SYNE2: variants seen among roughly 807,000 people sequenced by gnomAD.
SYNE2 encodes the protein nesprin-2.
In SYNE2, 431 loss-of-function variants were observed where a neutral mutation model predicts 856.3. The ratio of observed to expected loss-of-function variants is 0.50; its 90% CI spans 0.47 to 0.55. The LOEUF (loss-of-function observed/expected upper bound fraction) is 0.55, where lower values mean the gene tolerates loss of function less well. Among genes scored for constraint, SYNE2 ranks in the 20% least tolerant of loss-of-function variants. The pLI is 0.00. For synonymous variants in SYNE2, 2,923 were observed against 2,872.3 expected, an observed-to-expected ratio of 1.02 and a Z score of -0.56; for missense variants, 8,129 against 8,023.2, an observed-to-expected ratio of 1.01 and a Z score of -0.50.
chr14:63,909,075 A>C (rs1424833747), intron 1 of SYNE2, 23 bp from the exon 2 acceptor site: 2 of 1,080,866 alleles, frequency 1.9e-6, no homozygotes, highest in African/African-American at 3.1e-5. Context: ...TTACTAATGA[A>C]CATTTATCCA....
chr14:64,189,047 C>T, intron 98 of SYNE2: 3 of 698,692 alleles, frequency 4.3e-6, no homozygotes, highest in East Asian at 2.7e-5. Flanking sequence ...TAAGAAGCTC[C>T]CCTTGGCCTG....
At chr14:63,793,967 T>C (rs1027748214) in intron 1 of SYNE2, among the ~76,000 whole-genome samples, 1 of 151,858 alleles carries the variant, frequency 6.6e-6, no homozygotes, top group Admixed American at 6.6e-5. Context: ...AGAAAGTTGT[T>C]GTAAACTGTT....
intron 57 of SYNE2, among the ~76,000 whole-genome samples, chr14:64,082,367 ATACT>A (rs1025643449): frequency 1.3e-4 from 19 of 150,728 alleles, no homozygotes; most frequent in African/African-American, 4.7e-4. Flanking sequence ...GGTAAGTATA[ATACT>A]TACATTCCAA....
In SYNE2 at chr14:64,209,598, C is replaced by T. The variant is rs373805773; in HGVS notation, c.18540+20C>T. 134 of 1,613,340 alleles carry T rather than the reference C, an allele frequency of 8.3e-5. 5 individuals carry two copies. The highest frequency in any genetic ancestry group is 3.8e-4 in the Admixed American group (23 of 59,994). Reference sequence around the variant, plus strand: ...TTTGAGGTAAACACCTTCTCCATCCCGGTCTCCTGATCATAACCAAGCCTG... The same window carrying T: ...TTTGAGGTAAACACCTTCTCCATCCTGGTCTCCTGATCATAACCAAGCCTG... On this transcript the variant is annotated intron_variant, in intron 102 of 115. Transcript: ENST00000555002.
intron 100 of SYNE2, among the ~76,000 whole-genome samples, chr14:64,206,027 T>C (rs2098603647): frequency 6.6e-6 from 1 of 152,198 alleles, no homozygotes; most frequent in Non-Finnish European, 1.5e-5. Flanking sequence ...CTTCACGCTA[T>C]ATGATTTTCT....
chr14:63,875,392 T>C (rs2140469412), intron 1 of SYNE2, among the ~76,000 whole-genome samples: 1 of 152,356 alleles, frequency 6.6e-6, no homozygotes, highest in Admixed American at 6.5e-5. Context: ...GTAAAGGTGA[T>C]TCCCAAAACC....
At chr14:63,949,757 T>C (rs1359443258) in intron 6 of SYNE2, 68 bp from the exon 7 acceptor site, 2 of 1,545,812 alleles carry the variant, frequency 1.3e-6, no homozygotes, top group African/African-American at 2.7e-5. Context: ...CTATTTTGAC[T>C]GGAAATTTTG....
intron 74 of SYNE2, 106 bp downstream of exon 74, chr14:64,128,659 A>C: frequency 1.3e-6 from 1 of 747,420 alleles, no homozygotes; most frequent in South Asian, 1.5e-5. Context: ...AGCAAGGCTT[A>C]AGTAAATAAA....
intron 8 of SYNE2, among the ~76,000 whole-genome samples, chr14:63,956,123 GAAC>G (rs1205756215): frequency 6.6e-6 from 1 of 152,166 alleles, no homozygotes; most frequent in Non-Finnish European, 1.5e-5. Context: ...GCAGTTAACA[GAAC>G]AACAGTCAAG....
chr14:64,147,399 GT>G (rs1415585744), intron 84 of SYNE2, among the ~76,000 whole-genome samples: 1 of 152,176 alleles, frequency 6.6e-6, no homozygotes, highest in African/African-American at 2.4e-5. Context: ...AAATCCTCCA[GT>G]GGCTCCAGAT....
chr14:64,035,868 A>ATTT (rs547061262), intron 45 of SYNE2, among the ~76,000 whole-genome samples: 2 of 130,220 alleles, frequency 1.5e-5, no homozygotes, highest in Admixed American at 7.7e-5. Context: ...TAATTTTTGT[A>ATTT]TTTTTTTTTT....
intron 83 of SYNE2, among the ~76,000 whole-genome samples, chr14:64,144,668 C>T (rs1021883504): frequency 1.3e-5 from 2 of 152,148 alleles, no homozygotes; most frequent in Admixed American, 6.6e-5. Context: ...TCATACATTG[C>T]TGATAATGGC....
intron 1 of SYNE2, among the ~76,000 whole-genome samples, chr14:63,803,639 C>T (rs568669716): frequency 2.0e-5 from 3 of 152,324 alleles, no homozygotes; most frequent in South Asian, 2.1e-4. Context: ...CCTGCTCGCG[C>T]CTCTCCCTCC....
At chr14:64,158,007 G>A (rs1817491874) in intron 85 of SYNE2, among the ~76,000 whole-genome samples, 1 of 152,170 alleles carries the variant, frequency 6.6e-6, no homozygotes, top group Non-Finnish European at 1.5e-5. Flanking sequence ...GCAACAGAAT[G>A]CTTGGACTTT....
intron 43 of SYNE2, among the ~76,000 whole-genome samples, chr14:64,028,309 G>A (rs2096998499): frequency 6.6e-6 from 1 of 152,010 alleles, no homozygotes; most frequent in African/African-American, 2.4e-5. Flanking sequence ...AAGCTAGAGT[G>A]CAGTGTTGCA....
chr14:63,890,051 TTC>T (rs1472807949), intron 1 of SYNE2, among the ~76,000 whole-genome samples: 1 of 114,726 alleles, frequency 8.7e-6, no homozygotes. Flanking sequence ...CTTTCTTTCT[TTC>T]TTTTTTTTTT....
intron 103 of SYNE2, 57 bp downstream of exon 103, chr14:64,210,181 T>C: frequency 3.2e-6 from 5 of 1,581,830 alleles, no homozygotes; most frequent in Non-Finnish European, 4.3e-6. Flanking sequence ...TAACGCACGA[T>C]ACGCAATGGC....
chr14:63,949,173 C>G (rs1305651795), intron 6 of SYNE2, among the ~76,000 whole-genome samples: 1 of 151,934 alleles, frequency 6.6e-6, no homozygotes, highest in African/African-American at 2.4e-5. Flanking sequence ...TACCATATCG[C>G]CCTCCAAAAA....
intron 115 of SYNE2, 95 bp from the exon 116 acceptor site, chr14:64,225,224 T>C: frequency 1.2e-6 from 2 of 1,600,076 alleles, no homozygotes; most frequent in Non-Finnish European, 1.7e-6. Context: ...ATCTCAGGTC[T>C]TGGATTTCTT....
Sources: allele counts gnomAD v4.1 joint callset (sites outside exome capture counted in the v4.1 genomes callset), GRCh38; gene constraint gnomAD v4.1.1; transcripts MANE v1.5; gene names NCBI Gene and HGNC (gene_info 2026-07-23, HGNC 2026-07-21).